The following NCKAP5 variants were observed in gnomAD, a reference collection of about 807,000 sequenced individuals.
NCKAP5 encodes the protein nck-associated protein 5.
NCKAP5 carries 92 observed loss-of-function variants against 167.0 expected under a neutral mutation model. The observed-to-expected ratio is 0.55, with a 90% CI of 0.47 to 0.66. The LOEUF (loss-of-function observed/expected upper bound fraction) is 0.66. NCKAP5 is among the 30% of genes least tolerant of loss of function. The pLI, the probability that NCKAP5 is intolerant of heterozygous loss-of-function variation, is 0.00. For missense variants in NCKAP5, 2,378 were observed against 2,315.0 expected (o/e 1.03, Z -0.56); for synonymous variants, 891 against 877.4 (o/e 1.02, Z -0.27).
At chr2:133,370,271 A>G (rs1685713377) in intron 3 of NCKAP5, among the ~76,000 whole-genome samples, 1 of 152,216 alleles carries the variant, frequency 6.6e-6, no homozygotes, top group African/African-American at 2.4e-5. Flanking sequence ...ATGATAGAAA[A>G]GGCAAGATTG....
intron 5 of NCKAP5, among the ~76,000 whole-genome samples, chr2:133,203,429 C>T (rs767206244): frequency 3.0e-4 from 46 of 152,162 alleles, no homozygotes; most frequent in Middle Eastern, 3.4e-3. Flanking sequence ...TTAGGAGATA[C>T]ACCTAATGTA....
At chr2:133,060,365 A>G (rs1405119018) in intron 6 of NCKAP5, among the ~76,000 whole-genome samples, 1 of 152,204 alleles carries the variant, frequency 6.6e-6, no homozygotes, top group Non-Finnish European at 1.5e-5. Context: ...TAGAGAATAT[A>G]CCCATCATGA....
chr2:133,199,956 C>T (rs1574354722), intron 5 of NCKAP5, among the ~76,000 whole-genome samples: 2 of 151,324 alleles, frequency 1.3e-5, no homozygotes, highest in South Asian at 2.1e-4. Context: ...CACAAAAAAG[C>T]ATATAGTTCA....
At chr2:133,252,299 T>G (rs1001694830) in intron 4 of NCKAP5, among the ~76,000 whole-genome samples, 1 of 152,202 alleles carries the variant, frequency 6.6e-6, no homozygotes, top group African/African-American at 2.4e-5. Context: ...CCAGAGGCCC[T>G]TAAATGGAAA....
chr2:133,526,346 C>A (rs889564149), intron 2 of NCKAP5, among the ~76,000 whole-genome samples: 2 of 143,386 alleles, frequency 1.4e-5, no homozygotes, highest in African/African-American at 2.6e-5. Context: ...GGAGGGAATA[C>A]ATGTCCTCAA....
intron 5 of NCKAP5, among the ~76,000 whole-genome samples, chr2:133,171,518 T>C (rs917936769): frequency 1.3e-5 from 2 of 152,174 alleles, no homozygotes; most frequent in African/African-American, 4.8e-5. Context: ...CCCAGAGCAC[T>C]ATGTCACATG....
intron 6 of NCKAP5, among the ~76,000 whole-genome samples, chr2:132,997,136 A>G (rs2077627285): frequency 6.6e-6 from 1 of 152,224 alleles, no homozygotes; most frequent in Admixed American, 6.5e-5. Flanking sequence ...AGTAGGCAGG[A>G]TAAGACAGTT....
At chr2:133,120,149 G>C (rs2082206285) in intron 6 of NCKAP5, among the ~76,000 whole-genome samples, 1 of 152,108 alleles carries the variant, frequency 6.6e-6, no homozygotes, top group African/African-American at 2.4e-5. Context: ...GAAAACCTTT[G>C]GTCAGGAGAA....
chr2:133,558,704 C>CAAAAAAAAAAAAAAAAAA lies in NCKAP5; in HGVS notation c.-62+328_-62+345dup, dbSNP rs60051493. 5.1e-4 allele frequency among the ~76,000 whole-genome samples: 26 copies of CAAAAAAAAAAAAAAAAAA among 50,868 alleles called. 4 individuals are homozygous for CAAAAAAAAAAAAAAAAAA. The highest frequency in any genetic ancestry group is 2.2e-3 in the East Asian group (3 of 1,378). The allele number at this position is 50,868 out of a possible 152,430, so 33.4% of individuals were successfully genotyped here. A position where few individuals can be genotyped will look rare whatever the true frequency, so the allele number is the denominator to read the frequency against. Reference sequence around the variant, plus strand: ...ACATAAACAGATGCAATGTGCTGAGCAAAAAAAAAAAAAAAAAAAAAAGCC... The same window carrying CAAAAAAAAAAAAAAAAAA: ...ACATAAACAGATGCAATGTGCTGAGCAAAAAAAAAAAAAAAAAAAAAAAAAAAAAAAAAAAAAAAAGCC... On this transcript the variant is annotated intron_variant, in intron 2 of 19. Transcript: ENST00000409261.
chr2:132,914,849 T>C (rs1268889217), intron 8 of NCKAP5, among the ~76,000 whole-genome samples: 1 of 151,948 alleles, frequency 6.6e-6, no homozygotes, highest in Non-Finnish European at 1.5e-5. Flanking sequence ...GCCCTGGATA[T>C]GTGTGTTTTG....
At chr2:133,168,344 T>C (rs1222807050) in intron 5 of NCKAP5, among the ~76,000 whole-genome samples, 1 of 150,412 alleles carries the variant, frequency 6.6e-6, no homozygotes, top group African/African-American at 2.4e-5. Flanking sequence ...AACAGTAGCA[T>C]ATGACCATAT....
At chr2:133,116,031 A>G (rs1212294286) in intron 6 of NCKAP5, among the ~76,000 whole-genome samples, 1 of 151,776 alleles carries the variant, frequency 6.6e-6, no homozygotes, top group Non-Finnish European at 1.5e-5. Context: ...CATTCACTTC[A>G]AATTTAACTG....
At chr2:132,915,853 C>G (rs1333368982) in intron 8 of NCKAP5, among the ~76,000 whole-genome samples, 1 of 151,810 alleles carries the variant, frequency 6.6e-6, no homozygotes, top group East Asian at 1.9e-4. Context: ...CTAATCTGAC[C>G]CCAGAGGCAG....
chr2:132,793,707 T>C (rs1252666611), intron 12 of NCKAP5, among the ~76,000 whole-genome samples: 1 of 152,176 alleles, frequency 6.6e-6, no homozygotes, highest in Non-Finnish European at 1.5e-5. Context: ...TGAGCCTGCC[T>C]GCCAGCAGGC....
At chr2:133,421,348 A>T (rs1559471782) in intron 3 of NCKAP5, among the ~76,000 whole-genome samples, 1 of 152,180 alleles carries the variant, frequency 6.6e-6, no homozygotes, top group Non-Finnish European at 1.5e-5. Context: ...CTAATCATTA[A>T]CATCGAATAG....
the NCKAP5 span, among the ~76,000 whole-genome samples, chr2:133,632,094 G>A: frequency 6.6e-6 from 1 of 152,206 alleles, no homozygotes; most frequent in African/African-American, 2.4e-5. Context: ...TGAAGGATGA[G>A]CAGTGTCCTG....
intron 8 of NCKAP5, among the ~76,000 whole-genome samples, chr2:132,951,038 A>C (rs2076171107): frequency 6.6e-6 from 1 of 152,228 alleles, no homozygotes; most frequent in African/African-American, 2.4e-5. Context: ...AAATGATGCA[A>C]AATTTCCAAC....
At chr2:133,672,563 T>A in the NCKAP5 span, among the ~76,000 whole-genome samples, 1 of 152,208 alleles carries the variant, frequency 6.6e-6, no homozygotes, top group African/African-American at 2.4e-5. Flanking sequence ...TTGTTCTATA[T>A]GTTTAGCCTC....
At chr2:133,169,983 A>G (rs963680936) in intron 5 of NCKAP5, among the ~76,000 whole-genome samples, 2 of 152,174 alleles carry the variant, frequency 1.3e-5, no homozygotes, top group Non-Finnish European at 2.9e-5. Context: ...TTACAATACA[A>G]AGAGCCTGCA....
Sources: gnomAD v4.1 joint callset for allele counts (sites outside exome capture counted in the v4.1 genomes callset) on GRCh38, gnomAD v4.1.1 for gene constraint, MANE v1.5 for transcripts, NCBI Gene and HGNC (gene_info 2026-07-23, HGNC 2026-07-21) for gene names.